VPS13D: variants seen among roughly 807,000 people sequenced by gnomAD.
The protein encoded by VPS13D is vacuolar protein sorting 13 homolog D, also known as intermembrane lipid transfer protein VPS13D.
Under a neutral mutation model 461.9 loss-of-function variants are expected in VPS13D, and 187 were observed. The observed-to-expected ratio is 0.40, with a 90% CI of 0.36 to 0.46. The LOEUF (loss-of-function observed/expected upper bound fraction) is 0.46, where lower values mean the gene tolerates loss of function less well. VPS13D is among the 20% of genes least tolerant of loss of function. VPS13D has a pLI of 0.60. For missense variants in VPS13D, 4,711 were observed against 5,364.9 expected (o/e 0.88, Z 3.81); for synonymous variants, 1,951 against 1,986.3 (o/e 0.98, Z 0.47).
At position 12,260,561 on chromosome 1, in the gene VPS13D, G is replaced by A. The variant is rs938177215; in HGVS notation, c.1111-132G>A. 1.9e-5 allele frequency: 13 copies of A among 685,508 alleles called. No individual in the cohort carries two copies. The African/African-American group carries it at 2.2e-4, about 11-fold the overall frequency. 42.5% of individuals were successfully genotyped at this position (685,508 alleles called of 1,614,324 possible). Reference sequence around the variant, plus strand: ...ATGGAACTATTTATCTTGTTTCTTGGCCTTCAGTGGAAATGCAGGGGACCA... The same window carrying A: ...ATGGAACTATTTATCTTGTTTCTTGACCTTCAGTGGAAATGCAGGGGACCA... On this transcript the variant is annotated intron_variant, in intron 10 of 69. Transcript: ENST00000620676.
intron 65 of VPS13D, among the ~76,000 whole-genome samples, chr1:12,436,545 A>AATTTAAAGGGGAAGAGACTT (rs1645063310): frequency 6.6e-6 from 1 of 152,178 alleles, no homozygotes; most frequent in Non-Finnish European, 1.5e-5. Context: ...CCACCACGTG[A>AATTTAAAGGGGAAGAGACTT]ATTTAAAGGG....
chr1:12,385,414 G>A (rs1353116817), intron 59 of VPS13D, 41 bp downstream of exon 59: 1 of 1,529,382 alleles, frequency 6.5e-7, no homozygotes. Flanking sequence ...TTGATCATCA[G>A]TTTTTTAGAA....
chr1:12,346,437 G>GT (rs1643678350), intron 43 of VPS13D, among the ~76,000 whole-genome samples, 168 bp from the exon 44 acceptor site: 1 of 152,064 alleles, frequency 6.6e-6, no homozygotes, highest in South Asian at 2.1e-4. Context: ...AATGAATATT[G>GT]TTTTTTCCAT....
rs1557754754 is a variant in VPS13D at position 12,396,020 on chromosome 1, TATATATATA to T, written c.11635-4160_11635-4152del. Among the ~76,000 whole-genome samples the T allele has an allele frequency of 5.4e-4, 75 of 137,842 alleles. 2 individuals carry two copies. Among genetic ancestry groups the T allele is most frequent in the South Asian group, 4.9e-3 (22 of 4,448 alleles). 90.4% of individuals were successfully genotyped at this position (137,842 alleles called of 152,430 possible). A position where few individuals can be genotyped will look rare whatever the true frequency, so the allele number is the denominator to read the frequency against. On this transcript the variant is annotated intron_variant, in intron 60 of 69. Coordinates refer to ENST00000620676, the MANE Select transcript of VPS13D (RefSeq NM_015378.4). ...AGATATATATATATATATATATATA[TATATATATA>T]GTTCTTTAAGATCAATAAAATTAAT... is the stretch of plus-strand genomic sequence containing the variant.
chr1:12,388,297 A>C (rs1644375552), intron 60 of VPS13D, among the ~76,000 whole-genome samples: 1 of 152,218 alleles, frequency 6.6e-6, no homozygotes, highest in South Asian at 2.1e-4. Context: ...AAATTAGGCC[A>C]GGTGAGGTGG....
chr1:12,315,199 G>C (rs1324813078), intron 30 of VPS13D, among the ~76,000 whole-genome samples: 2 of 152,190 alleles, frequency 1.3e-5, no homozygotes, highest in African/African-American at 4.8e-5. Flanking sequence ...CAGACATGTT[G>C]TAAGTATAAA....
chr1:12,378,162 G>A (rs1022762441), intron 55 of VPS13D, among the ~76,000 whole-genome samples: 1 of 152,126 alleles, frequency 6.6e-6, no homozygotes, highest in African/African-American at 2.4e-5. Flanking sequence ...AAAAAACTCG[G>A]TTATGAAAAT....
intron 67 of VPS13D, among the ~76,000 whole-genome samples, chr1:12,474,981 A>G (rs906073983): frequency 2.0e-5 from 3 of 152,140 alleles, no homozygotes; most frequent in African/African-American, 7.2e-5. Flanking sequence ...AGAGAGATTC[A>G]TGGGATTTTA....
intron 57 of VPS13D, among the ~76,000 whole-genome samples, 181 bp from the exon 58 acceptor site, chr1:12,382,795 A>G (rs546284198): frequency 6.6e-6 from 1 of 152,342 alleles, no homozygotes; most frequent in African/African-American, 2.4e-5. Context: ...ATCTTACTGA[A>G]GTAATTCTCC....
chr1:12,451,065 A>C (rs960006692), intron 65 of VPS13D, among the ~76,000 whole-genome samples: 2 of 152,208 alleles, frequency 1.3e-5, no homozygotes, highest in Non-Finnish European at 2.9e-5. Context: ...TTGGCACCCC[A>C]TGCTTGCTGA....
intron 67 of VPS13D, among the ~76,000 whole-genome samples, chr1:12,492,406 A>G (rs1645894960): frequency 6.6e-6 from 1 of 152,258 alleles, no homozygotes; most frequent in South Asian, 2.1e-4. Flanking sequence ...TACAATTTAA[A>G]TTTAAAATTC....
At chr1:12,375,154 T>C (rs1441929314) in intron 55 of VPS13D, among the ~76,000 whole-genome samples, 2 of 152,226 alleles carry the variant, frequency 1.3e-5, no homozygotes, top group African/African-American at 4.8e-5. Flanking sequence ...CACAGCAAGT[T>C]ATCCTGGGTC....
intron 65 of VPS13D, among the ~76,000 whole-genome samples, chr1:12,450,301 A>G (rs543952784): frequency 3.3e-4 from 50 of 152,170 alleles, no homozygotes; most frequent in Admixed American, 9.2e-4. Flanking sequence ...CACAAAGTTC[A>G]TGGCAGCCTT....
At chr1:12,253,675 G>A (rs375732580) in intron 6 of VPS13D, 47 bp from the exon 7 acceptor site, 6 of 1,415,722 alleles carry the variant, frequency 4.2e-6, no homozygotes, top group African/African-American at 1.4e-5. Flanking sequence ...TGACATTCAC[G>A]AATAAAGACA....
chr1:12,481,532 T>G (rs531534777), intron 67 of VPS13D, among the ~76,000 whole-genome samples: 6 of 152,330 alleles, frequency 3.9e-5, no homozygotes, highest in African/African-American at 1.4e-4. Context: ...AGGTTTGGTG[T>G]CAACTCTGAC....
At chr1:12,469,991 T>G (rs1645541732) in intron 67 of VPS13D, among the ~76,000 whole-genome samples, 1 of 152,242 alleles carries the variant, frequency 6.6e-6, no homozygotes, top group Non-Finnish European at 1.5e-5. Flanking sequence ...GCAAAGTTGC[T>G]GGAGTAGGAT....
At chr1:12,360,593 T>C (rs1643933054) in intron 50 of VPS13D, among the ~76,000 whole-genome samples, 1 of 152,230 alleles carries the variant, frequency 6.6e-6, no homozygotes, top group Admixed American at 6.5e-5. Flanking sequence ...AGACTTTTTA[T>C]TAGATATCAC....
At chr1:12,368,726 C>A in intron 53 of VPS13D, 135 bp downstream of exon 53, 1 of 1,087,842 alleles carries the variant, frequency 9.2e-7, no homozygotes, top group Non-Finnish European at 1.2e-6. Flanking sequence ...TTCTTTATAT[C>A]TGGACAAGCC....
chr1:12,493,326 TA>T (rs1316519063), intron 67 of VPS13D, among the ~76,000 whole-genome samples: 5 of 150,740 alleles, frequency 3.3e-5, no homozygotes, highest in African/African-American at 1.2e-4. Flanking sequence ...AATAAAAATA[TA>T]AAAAAATTAG....
Sources: allele counts gnomAD v4.1 joint callset (sites outside exome capture counted in the v4.1 genomes callset), GRCh38; gene constraint gnomAD v4.1.1; transcripts MANE v1.5; gene names NCBI Gene and HGNC (gene_info 2026-07-23, HGNC 2026-07-21).